Variants in RFX2 observed in about 807,000 individuals in gnomAD.
The protein encoded by RFX2 is regulatory factor X2, also known as DNA-binding protein RFX2.
Under a neutral mutation model 87.8 loss-of-function variants are expected in RFX2, and 20 were observed. That is an observed-to-expected ratio of 0.23 (90% confidence interval 0.16 to 0.33). The LOEUF is 0.33. Among genes scored for constraint, RFX2 ranks in the 10% least tolerant of loss-of-function variants. RFX2 has a pLI of 1.00. For synonymous variants in RFX2, 397 were observed against 431.3 expected, an observed-to-expected ratio of 0.92 and a Z score of 0.98; for missense variants, 767 against 1,012.3, an observed-to-expected ratio of 0.76 and a Z score of 3.29.
intron 6 of RFX2, among the ~76,000 whole-genome samples, chr19:6,018,916 G>A (rs73547557): frequency 0.019 from 2,855 of 152,292 alleles, 105 homozygotes; most frequent in African/African-American, 0.066. Context: ...CCTGAGCTTG[G>A]ATTCCGGTTC....
chr19:6,055,288 T>C (rs1035527411), intron 1 of RFX2, among the ~76,000 whole-genome samples: 5 of 152,228 alleles, frequency 3.3e-5, no homozygotes, highest in Non-Finnish European at 7.3e-5. Flanking sequence ...GGAAAGAGGT[T>C]TGGCAGTTTT....
intron 1 of RFX2, chr19:6,077,025 C>T (rs1391061665): frequency 2.0e-5 from 3 of 152,246 alleles, no homozygotes; most frequent in Non-Finnish European, 4.4e-5. Context: ...CCTAGAAATC[C>T]AGTCCTTCCA....
intron 1 of RFX2, among the ~76,000 whole-genome samples, chr19:6,106,540 C>G (rs1254630577): frequency 6.6e-6 from 1 of 152,130 alleles, no homozygotes; most frequent in Non-Finnish European, 1.5e-5. Flanking sequence ...TTCTCTTCCC[C>G]ACTTCGGGTG....
Position 6,054,934 on chromosome 19 carries a change from G to T in RFX2, c.-8-7430C>A, listed in dbSNP as rs2087313926. Among the ~76,000 whole-genome samples, 2 of 152,248 alleles carry T rather than the reference G, an allele frequency of 1.3e-5. 1 individual carries two copies. Among genetic ancestry groups the T allele is most frequent in the South Asian group, 4.2e-4 (2 of 4,818 alleles). On this transcript the variant is annotated intron_variant, in intron 1 of 17. Coordinates refer to ENST00000303657, the MANE Select transcript of RFX2 (RefSeq NM_000635.4). The stretch of plus-strand genomic sequence containing the variant: ...TATGAATAGGTAAGCCACAGCCTGG[G>T]AGAAATATTTGCAAAACATGTATCT...
Position 6,005,021 on chromosome 19 carries a change from A to C in RFX2, c.1403-723T>G, listed in dbSNP as rs111524914. On this transcript the variant is annotated intron_variant, in intron 12 of 17. Transcript: ENST00000303657. ...GTAGTCCCAGCTATTTGGGAGGCTG[A>C]GGCAGGAGAATCACTTGAACCCAGG... Among the ~76,000 whole-genome samples the C allele has an allele frequency of 6.8e-3, 1,038 of 152,270 alleles. 18 individuals carry two copies. Among genetic ancestry groups the C allele is most frequent in the African/African-American group, 0.024 (980 of 41,554 alleles).
At chr19:6,062,645 T>C (rs1316756549) in intron 1 of RFX2, among the ~76,000 whole-genome samples, 1 of 152,172 alleles carries the variant, frequency 6.6e-6, no homozygotes, top group Non-Finnish European at 1.5e-5. Flanking sequence ...GCTTTAGAAG[T>C]TTCTAGAATT....
rs568600745 is a variant in RFX2 at position 6,066,016 on chromosome 19, G to C, written c.-8-18512C>G. On this transcript the variant is annotated intron_variant, in intron 1 of 17. Coordinates refer to ENST00000303657, the MANE Select transcript of RFX2 (RefSeq NM_000635.4). The stretch of plus-strand genomic sequence containing the variant: ...GGCTGGGGGCGGGGCTGGGAGGAGG[G>C]GAAGAAATGTGTCACCCGCTCTGAA... Among the ~76,000 whole-genome samples the C allele has an allele frequency of 9.2e-5, 14 of 152,184 alleles. No homozygotes were observed. In the South Asian group the frequency reaches 2.9e-3, roughly 32 times the overall value.
chr19:6,031,423 C>CTTTTTTTTT (rs58834364), intron 5 of RFX2, among the ~76,000 whole-genome samples: 258 of 90,174 alleles, frequency 2.9e-3, no homozygotes, highest in Non-Finnish European at 3.6e-3. Flanking sequence ...TTCTCCTTCC[C>CTTTTTTTTT]TTTTTTTTTT....
At position 6,064,828 on chromosome 19, in the gene RFX2, G is replaced by A. The variant is rs185399951; in HGVS notation, c.-8-17324C>T. Among the ~76,000 whole-genome samples the A allele has an allele frequency of 1.2e-3, 186 of 152,272 alleles. No homozygotes were observed. Among genetic ancestry groups the A allele is most frequent in the African/African-American group, 4.4e-3 (181 of 41,544 alleles). On this transcript the variant is annotated intron_variant, in intron 1 of 17. Transcript: ENST00000303657. The surrounding 1 kb of genome is among the most constrained non-coding windows in gnomAD (Gnocchi z 4.8). ...TCTACCTCCTACCTCCCCTCCAGTC[G>A]TGATTTGATTCTGGAATTTAAGAAG...
intron 5 of RFX2, among the ~76,000 whole-genome samples, chr19:6,030,805 A>C (rs1398706495): frequency 2.0e-5 from 3 of 152,248 alleles, no homozygotes; most frequent in Admixed American, 2.0e-4. Flanking sequence ...AAGTAATTTT[A>C]GTCTCCCTTG....
intron 1 of RFX2, among the ~76,000 whole-genome samples, chr19:6,090,946 T>C (rs2087925106): frequency 6.6e-6 from 1 of 152,134 alleles, no homozygotes; most frequent in South Asian, 2.1e-4. Flanking sequence ...AAGAAGTCAG[T>C]CACGAAAAAG....
intron 1 of RFX2, among the ~76,000 whole-genome samples, chr19:6,091,319 T>C (rs1282142241): frequency 6.6e-6 from 1 of 152,074 alleles, no homozygotes; most frequent in Non-Finnish European, 1.5e-5. Context: ...AGTGAGACCT[T>C]GTCTCTACAA....
At chr19:6,100,843 T>TAATTGAATTATATTGATTTAATTG (rs2088113163) in intron 1 of RFX2, among the ~76,000 whole-genome samples, 1 of 146,658 alleles carries the variant, frequency 6.8e-6, no homozygotes, top group African/African-American at 2.8e-5. Flanking sequence ...TTAATTGAAT[T>TAATTGAATTATATTGATTTAATTG]AATTAATTGA....
intron 16 of RFX2, among the ~76,000 whole-genome samples, chr19:5,996,468 T>C (rs1343663379): frequency 1.3e-5 from 2 of 152,182 alleles, no homozygotes; most frequent in African/African-American, 2.4e-5. Context: ...CCACACAGTG[T>C]GTGATCCCAT....
intron 3 of RFX2, among the ~76,000 whole-genome samples, chr19:6,043,860 GA>G (rs1291263674): frequency 2.6e-5 from 4 of 152,218 alleles, no homozygotes; most frequent in Admixed American, 2.6e-4. Context: ...CTCACTAGCA[GA>G]TGGTTCCTCC....
At chr19:6,088,634 ATAT>A (rs2087890912) in intron 1 of RFX2, among the ~76,000 whole-genome samples, 1 of 152,194 alleles carries the variant, frequency 6.6e-6, no homozygotes, top group Non-Finnish European at 1.5e-5. Flanking sequence ...AACAAAGTAA[ATAT>A]TATTCCTCTC....
chr19:6,092,508 C>T (rs930701762), intron 1 of RFX2, among the ~76,000 whole-genome samples: 1 of 152,130 alleles, frequency 6.6e-6, no homozygotes, highest in Non-Finnish European at 1.5e-5. Flanking sequence ...TTCAGAGGGG[C>T]GGGGCAGGCC....
At position 6,017,602 on chromosome 19, in the gene RFX2, C is replaced by T. The variant is rs896375513; in HGVS notation, c.598-1331G>A. On this transcript the variant is annotated intron_variant, in intron 6 of 17. Transcript: ENST00000303657. The surrounding 1 kb of genome is among the most constrained non-coding windows in gnomAD (Gnocchi z 4.1). ...CCCATGTCAAGAGCGTCGGGGGAAA[C>T]CAGCTGTCTCTACCTGGTCCCCTTT... Among the ~76,000 whole-genome samples the T allele has an allele frequency of 6.6e-6, 1 of 151,946 alleles. No individual in the cohort carries two copies. The highest frequency in any genetic ancestry group is 1.5e-5 in the Non-Finnish European group (1 of 67,990).
In RFX2 at chr19:6,045,511, C is replaced by T. The variant is rs778901113; in HGVS notation, c.91-1229G>A. 1.3e-5 allele frequency among the ~76,000 whole-genome samples: 2 copies of T among 152,314 alleles called. No homozygotes were observed. Among genetic ancestry groups the T allele is most frequent in the African/African-American group, 2.4e-5 (1 of 41,566 alleles). On this transcript the variant is annotated intron_variant, in intron 2 of 17. Transcript: ENST00000303657. The surrounding 1 kb of genome is among the most constrained non-coding windows in gnomAD (Gnocchi z 5.2). ...TAGGCCACAACTGCTGGCAGGGCGA[C>T]GGCGTCTGATCCTCACCTCAGATGG...
Sources: gnomAD v4.1 joint callset for allele counts (sites outside exome capture counted in the v4.1 genomes callset) on GRCh38, gnomAD v4.1.1 for gene constraint, Gnocchi (gnomAD v3.1) non-coding constraint, MANE v1.5 for transcripts, NCBI Gene and HGNC (gene_info 2026-07-23, HGNC 2026-07-21) for gene names.